C1orf21: variants seen among roughly 807,000 people sequenced by gnomAD.
C1orf21 encodes uncharacterized protein C1orf21.
C1orf21 carries 3 observed loss-of-function variants against 18.7 expected under a neutral mutation model. That is an observed-to-expected ratio of 0.16 (90% CI 0.07 to 0.42). C1orf21 has a LOEUF of 0.42. Ranked by LOEUF, C1orf21 falls within the 10% of genes least tolerant of loss-of-function variation. C1orf21 has a pLI of 0.99. For synonymous variants in C1orf21, 41 were observed against 46.4 expected (o/e 0.88, Z 0.47); for missense variants, 104 against 143.6 (o/e 0.72, Z 1.41).
chr1:184,439,045 T>C (rs974137529), intron 1 of C1orf21, among the ~76,000 whole-genome samples: 7 of 152,030 alleles, frequency 4.6e-5, no homozygotes, highest in African/African-American at 1.7e-4. Context: ...AACCCATTTC[T>C]ACTAAAAATA....
intron 1 of C1orf21, among the ~76,000 whole-genome samples, chr1:184,395,384 A>C (rs1384162989): frequency 4.6e-5 from 7 of 152,154 alleles, no homozygotes. Flanking sequence ...ATAGTCTGGA[A>C]TGAGAAAAGA....
At chr1:184,474,547 C>T (rs1179158039) in intron 1 of C1orf21, among the ~76,000 whole-genome samples, 1 of 152,204 alleles carries the variant, frequency 6.6e-6, no homozygotes, top group South Asian at 2.1e-4. Flanking sequence ...CCACTAACTG[C>T]TTTTCGGGAG....
intron 2 of C1orf21, among the ~76,000 whole-genome samples, chr1:184,486,399 A>C (rs970449736): frequency 6.6e-6 from 1 of 152,164 alleles, no homozygotes; most frequent in Non-Finnish European, 1.5e-5. Context: ...TATAATATGG[A>C]GGTAATAATG....
In C1orf21 at chr1:184,449,051, T is replaced by TTTA. The variant is rs369944117; in HGVS notation, c.-124-28321_-124-28319dup. On this transcript the variant is annotated intron_variant, in intron 1 of 5. Coordinates refer to ENST00000235307, the MANE Select transcript of C1orf21 (RefSeq NM_030806.4). ...GAAAATCAAATTTAACTAGATTTCT[T>TTTA]TTATTATTATTATTATACTTTAAGT... 3.4e-3 allele frequency among the ~76,000 whole-genome samples: 520 copies of TTTA among 152,026 alleles called. 5 individuals are homozygous for TTTA. The highest frequency in any genetic ancestry group is 0.012 in the African/African-American group (493 of 41,434).
chr1:184,596,531 G>A (rs1473044163), intron 4 of C1orf21, among the ~76,000 whole-genome samples: 2 of 152,036 alleles, frequency 1.3e-5, no homozygotes, highest in African/African-American at 4.8e-5. Flanking sequence ...AACATTTCTG[G>A]GGCAACATAT....
chr1:184,477,451 C>A lies in C1orf21; in HGVS notation c.-59C>A. 7.0e-7 allele frequency: 1 copy of A among 1,418,818 alleles called. No homozygotes were observed. Among genetic ancestry groups the A allele is most frequent in the Non-Finnish European group, 9.8e-7 (1 of 1,021,028 alleles). The allele number at this position is 1,418,818 out of a possible 1,614,324, so 87.9% of individuals were successfully genotyped here. A position where few individuals can be genotyped will look rare whatever the true frequency, so the allele number is the denominator to read the frequency against. On this transcript the variant is annotated 5_prime_UTR_variant, in exon 2 of 6. Transcript: ENST00000235307. ...CTTTGTGTTTAAAGAAAAAAAATGT[C>A]CCTGTGTCTGTAGAGATGATTTGCA...
At chr1:184,550,078 G>A (rs144951612) in intron 3 of C1orf21, among the ~76,000 whole-genome samples, 1 of 152,300 alleles carries the variant, frequency 6.6e-6, no homozygotes, top group Non-Finnish European at 1.5e-5. Flanking sequence ...GCATGTTTAA[G>A]GTAAGCTGGT....
chr1:184,419,888 C>A (rs1371194248), intron 1 of C1orf21, among the ~76,000 whole-genome samples: 1 of 152,080 alleles, frequency 6.6e-6, no homozygotes, highest in African/African-American at 2.4e-5. Context: ...TTGTGTGAGG[C>A]CCTGGAGGCC....
chr1:184,607,315 G>A (rs894901997), intron 5 of C1orf21, among the ~76,000 whole-genome samples: 1 of 152,146 alleles, frequency 6.6e-6, no homozygotes, highest in Non-Finnish European at 1.5e-5. Flanking sequence ...TTATTAATGG[G>A]CCGGATGATT....
At chr1:184,501,507 T>A (rs1395321761) in intron 2 of C1orf21, among the ~76,000 whole-genome samples, 2 of 152,178 alleles carry the variant, frequency 1.3e-5, no homozygotes, top group Admixed American at 1.3e-4. Context: ...CACCCCCACA[T>A]GTGCTTTTCA....
chr1:184,405,652 G>C (rs761402942), intron 1 of C1orf21, among the ~76,000 whole-genome samples: 11 of 152,170 alleles, frequency 7.2e-5, no homozygotes, highest in Non-Finnish European at 1.6e-4. Context: ...TGGTTGCTAG[G>C]GAACCTAGTT....
intron 3 of C1orf21, among the ~76,000 whole-genome samples, chr1:184,561,428 A>G (rs1392788745): frequency 6.6e-6 from 1 of 152,238 alleles, no homozygotes; most frequent in Admixed American, 6.5e-5. Flanking sequence ...GTCAGTGATG[A>G]GATAAAGCCA....
At chr1:184,566,221 G>T (rs923134765) in intron 3 of C1orf21, among the ~76,000 whole-genome samples, 4 of 152,118 alleles carry the variant, frequency 2.6e-5, no homozygotes, top group African/African-American at 9.7e-5. Context: ...CCCCAGGTTG[G>T]CTGCATGTGC....
chr1:184,549,880 A>G (rs765500788), intron 3 of C1orf21, among the ~76,000 whole-genome samples: 25 of 152,234 alleles, frequency 1.6e-4, no homozygotes, highest in Non-Finnish European at 3.5e-4. Flanking sequence ...ATATCCAATC[A>G]TACACAGACT....
chr1:184,403,503 G>C (rs1421260773), intron 1 of C1orf21, among the ~76,000 whole-genome samples: 2 of 152,132 alleles, frequency 1.3e-5, no homozygotes, highest in African/African-American at 4.8e-5. Context: ...GTTGTGCTTG[G>C]GCAGGGTTAT....
At chr1:184,438,077 G>T (rs1656886147) in intron 1 of C1orf21, among the ~76,000 whole-genome samples, 1 of 152,122 alleles carries the variant, frequency 6.6e-6, no homozygotes, top group Non-Finnish European at 1.5e-5. Context: ...CCTGCTGTGG[G>T]GCTTGGTTCC....
intron 1 of C1orf21, among the ~76,000 whole-genome samples, chr1:184,427,955 A>G (rs1487387236): frequency 1.3e-5 from 2 of 152,188 alleles, no homozygotes; most frequent in African/African-American, 2.4e-5. Context: ...CAGGGCTGGA[A>G]CACTCAATGA....
At chr1:184,517,746 G>C (rs1658251394) in intron 3 of C1orf21, among the ~76,000 whole-genome samples, 2 of 152,190 alleles carry the variant, frequency 1.3e-5, no homozygotes, top group Admixed American at 1.3e-4. Context: ...AGTGAAGATA[G>C]ATAGTGATTC....
intron 1 of C1orf21, among the ~76,000 whole-genome samples, chr1:184,445,389 T>C (rs1657014000): frequency 6.7e-6 from 1 of 149,640 alleles, no homozygotes; most frequent in South Asian, 2.1e-4. Context: ...GGAGCTGCTC[T>C]CCTTCTCCTT....
Sources: gnomAD v4.1 joint callset for allele counts (sites outside exome capture counted in the v4.1 genomes callset) on GRCh38, gnomAD v4.1.1 for gene constraint, MANE v1.5 for transcripts, NCBI Gene and HGNC (gene_info 2026-07-23, HGNC 2026-07-21) for gene names.